Variants in TEX14 observed in about 807,000 individuals in gnomAD.
The protein encoded by TEX14 is testis expressed 14, intercellular bridge forming factor, also known as inactive serine/threonine-protein kinase TEX14.
Under a neutral mutation model 178.6 loss-of-function variants are expected in TEX14, and 168 were observed. That is an observed-to-expected ratio of 0.94 (90% CI 0.83 to 1.07). The LOEUF is 1.07. TEX14 is among the 50% of genes least tolerant of loss of function. TEX14 has a pLI of 0.00. For missense variants in TEX14, 1,730 were observed against 1,753.6 expected (o/e 0.99, Z 0.24); for synonymous variants, 626 against 634.1 (o/e 0.99, Z 0.19).
At chr17:58,683,682 G>A (rs2143575460) in intron 1 of TEX14, among the ~76,000 whole-genome samples, 1 of 151,748 alleles carries the variant, frequency 6.6e-6, no homozygotes, top group South Asian at 2.1e-4. Flanking sequence ...AGAATTGCTT[G>A]AACCCGGAAG....
chr17:58,651,420 T>C (rs193042592), intron 2 of TEX14, among the ~76,000 whole-genome samples: 2 of 152,312 alleles, frequency 1.3e-5, no homozygotes, highest in African/African-American at 2.4e-5. Flanking sequence ...GCTTCAGCCA[T>C]TGAGCCATGT....
chr17:58,587,940 C>A lies in TEX14; in HGVS notation c.2658G>T (p.Arg886=), dbSNP rs1371592162. Residue 886 remains arginine (R), a synonymous_variant, in exon 16 of 32, where the codon CGG becomes CGT. Transcript: ENST00000349033. The part of the protein sequence containing the change: ...NSALFTLSSH[R]QGPSASPSCH... ...AGCTGGGTGATGCAGAAGGTCCCTG[C>A]CGGTGGCTTGACAGAGTGAAGAGTG... 1.9e-6 allele frequency: 3 copies of A among 1,613,538 alleles called. No homozygotes were observed. The highest frequency in any genetic ancestry group is 2.5e-6 in the Non-Finnish European group (3 of 1,179,674).
At chr17:58,688,167 C>G (rs1296134259) in intron 1 of TEX14, among the ~76,000 whole-genome samples, 1 of 152,134 alleles carries the variant, frequency 6.6e-6, no homozygotes, top group African/African-American at 2.4e-5. Context: ...GTCGCCCAGG[C>G]TGGAGTACAG....
intron 1 of TEX14, among the ~76,000 whole-genome samples, chr17:58,670,850 C>T (rs1249859586): frequency 1.4e-5 from 2 of 146,602 alleles, no homozygotes; most frequent in Non-Finnish European, 3.0e-5. Context: ...ATATGTTAAG[C>T]ATCTTTACCA....
At chr17:58,629,790 G>A (rs1334066319) in intron 3 of TEX14, among the ~76,000 whole-genome samples, 6 of 144,316 alleles carry the variant, frequency 4.2e-5, no homozygotes, top group Admixed American at 7.0e-5. Flanking sequence ...AGCCGAGATC[G>A]CACCACTGCA....
intron 1 of TEX14, among the ~76,000 whole-genome samples, chr17:58,673,637 C>T (rs2047340641): frequency 1.3e-5 from 2 of 152,122 alleles, no homozygotes; most frequent in African/African-American, 4.8e-5. Context: ...TTTCAGCTCA[C>T]TGCATCCTCA....
chr17:58,569,205 T>C lies in TEX14; in HGVS notation c.3873A>G (p.Leu1291=), dbSNP rs778931005. 1.9e-6 allele frequency: 3 copies of C among 1,613,942 alleles called. No individual in the cohort carries two copies. Among genetic ancestry groups the C allele is most frequent in the Non-Finnish European group, 2.5e-6 (3 of 1,179,788 alleles). ...IDELPPPSQE[L]LDDIELLKQQ... is the part of the protein sequence containing the mutation. Reference sequence around the variant, plus strand: ...AACATCTCTTACCAATGTCATCAAGTAGCTCCTGAGATGGTGGTGGCAGCT... The same window carrying C: ...AACATCTCTTACCAATGTCATCAAGCAGCTCCTGAGATGGTGGTGGCAGCT... The change falls in exon 26 of 32, where the codon CTA becomes CTG. Residue 1291 remains leucine, a synonymous_variant. Coordinates refer to ENST00000349033, the MANE Select transcript of TEX14 (RefSeq NM_031272.5). This position sits in a 1 kb window ranked among gnomAD's most constrained non-coding sequence, Gnocchi z 4.1.
chr17:58,621,487 C>T (rs1391412086), intron 5 of TEX14, among the ~76,000 whole-genome samples, 163 bp downstream of exon 5: 1 of 152,204 alleles, frequency 6.6e-6, no homozygotes, highest in East Asian at 1.9e-4. Flanking sequence ...CTCTGGCCTT[C>T]CTTCATCAAG....
intron 21 of TEX14, among the ~76,000 whole-genome samples, chr17:58,576,431 CTGAGATCACGCCACTGCAGTG>C (rs2044678331): frequency 6.6e-6 from 1 of 151,422 alleles, no homozygotes; most frequent in African/African-American, 2.4e-5. Flanking sequence ...TTGCAGTGAG[CTGAGATCACGCCACTGCAGTG>C]AGCTGAGATC....
At chr17:58,651,716 T>G in intron 2 of TEX14, 150 bp downstream of exon 2, 1 of 711,928 alleles carries the variant, frequency 1.4e-6, no homozygotes, top group Non-Finnish European at 2.2e-6. Context: ...ACACCTCTCT[T>G]GACTGCACTG....
chr17:58,631,821 C>T (rs192727624), intron 2 of TEX14: 18 of 148,916 alleles, frequency 1.2e-4, no homozygotes, highest in African/African-American at 4.4e-4. Flanking sequence ...GAAATTATCC[C>T]TCAAAATATA....
rs530722166 is a variant in TEX14, at chr17:58,571,844, A to G, written c.3717+77T>C. ...TTTCTTGCTTTCTTAATGAATTTGG[A>G]GAAATCTTGGCAGTTTGGGTCACTG... On this transcript the variant is annotated intron_variant, in intron 24 of 31. Transcript: ENST00000349033. 9.4e-6 allele frequency: 12 copies of G among 1,277,696 alleles called. No individual in the cohort carries two copies. The East Asian group carries it at 2.3e-4, about 25-fold the overall frequency. 79.1% of individuals were successfully genotyped at this position (1,277,696 alleles called of 1,614,324 possible).
At chr17:58,662,933 C>T (rs2047142058) in intron 1 of TEX14, among the ~76,000 whole-genome samples, 1 of 151,302 alleles carries the variant, frequency 6.6e-6, no homozygotes, top group African/African-American at 2.4e-5. Context: ...TGGTGAAACC[C>T]CGTCTCTACT....
chr17:58,581,246 G>C (rs1036840423), intron 19 of TEX14, among the ~76,000 whole-genome samples: 4 of 150,852 alleles, frequency 2.7e-5, no homozygotes, highest in Admixed American at 1.3e-4. Flanking sequence ...GGGAGGCAGA[G>C]GATGCGGTGA....
Position 58,598,888 on chromosome 17 carries a change from T to A in TEX14, c.2457A>T (p.Arg819Ser). ...GAAAGTCTCTTACCATTCTTGGAAA[T>A]CTTGGTAGGGTTGGGTAGTTGCCAC... is the stretch of plus-strand genomic sequence containing the variant. ...DTSGNYPTLPRFPRMLPTLCD... is the reference protein window; with the variant it reads ...DTSGNYPTLPSFPRMLPTLCD... Residue 819 changes from arginine to serine, a missense_variant, in exon 14 of 32, where the codon AGA (arginine) becomes AGT (serine). Physicochemically the swap from Arg to Ser is moderately radical, Grantham distance 110. Coordinates refer to ENST00000349033, the MANE Select transcript of TEX14 (RefSeq NM_031272.5). 1 of 1,597,330 alleles carries A rather than the reference T, an allele frequency of 6.3e-7. No homozygotes were observed. The highest frequency in any genetic ancestry group is 1.1e-5 in the South Asian group (1 of 88,496).
In TEX14 at chr17:58,616,256, A is replaced by C; in HGVS notation, c.686T>G (p.Val229Gly). The C allele has an allele frequency of 1.2e-6, 2 of 1,613,988 alleles. No homozygotes were observed. Among genetic ancestry groups the C allele is most frequent in the Non-Finnish European group, 1.7e-6 (2 of 1,179,966 alleles). Residue 229 changes from valine (V) to glycine (G), a missense_variant, in exon 7 of 32, where the codon GTC (valine) becomes GGC (glycine). Physicochemically the swap from Val to Gly is moderately radical, Grantham distance 109. Transcript: ENST00000349033. ...TQMAYLGSLP[V>G]IGEKEVIQAD... ...TTGAATCACTTCCTTTTCTCCAATG[A>C]CCGGAAGAGATCCTAGATAGGCCAT... is the stretch of plus-strand genomic sequence containing the variant.
chr17:58,665,512 C>T (rs1284582619), intron 1 of TEX14, among the ~76,000 whole-genome samples: 1 of 151,964 alleles, frequency 6.6e-6, no homozygotes, highest in African/African-American at 2.4e-5. Context: ...ATGAGAATTG[C>T]TTGAACCTGG....
At chr17:58,572,821 T>C (rs902124396) in intron 23 of TEX14, among the ~76,000 whole-genome samples, 6 of 152,224 alleles carry the variant, frequency 3.9e-5, no homozygotes, top group Non-Finnish European at 8.8e-5. Context: ...GCTGGTTGCA[T>C]ATGGTTGCAG....
intron 2 of TEX14, among the ~76,000 whole-genome samples, chr17:58,640,623 G>GTA (rs201651489): frequency 0.053 from 7,153 of 133,776 alleles, 556 homozygotes; most frequent in African/African-American, 0.18. Context: ...GTGTGTGTGT[G>GTA]TGTGTGTGTG....
Sources: gnomAD v4.1 joint callset for allele counts (sites outside exome capture counted in the v4.1 genomes callset) on GRCh38, gnomAD v4.1.1 for gene constraint, Gnocchi (gnomAD v3.1) non-coding constraint, MANE v1.5 for transcripts, NCBI Gene and HGNC (gene_info 2026-07-23, HGNC 2026-07-21) for gene names.